Variants in PPP1R14C observed in about 807,000 individuals in gnomAD.
PPP1R14C encodes the protein protein phosphatase 1 regulatory inhibitor subunit 14C.
In PPP1R14C, 16 loss-of-function variants were observed where a neutral mutation model predicts 20.4. The observed-to-expected ratio is 0.78, with a 90% confidence interval of 0.53 to 1.19. PPP1R14C has a LOEUF of 1.19. Ranked by LOEUF, PPP1R14C falls within the 50% of genes most tolerant of loss-of-function variation. The probability of loss-of-function intolerance (pLI) is 0.00; values close to 1 mark genes in which losing one functional copy is unlikely to be tolerated. For missense variants in PPP1R14C, 211 were observed against 220.1 expected, an observed-to-expected ratio of 0.96 and a Z score of 0.26; for synonymous variants, 91 against 91.0, an observed-to-expected ratio of 1.00 and a Z score of 0.00.
At chr6:150,207,688 A>G (rs1399633539) in intron 1 of PPP1R14C, among the ~76,000 whole-genome samples, 1 of 152,150 alleles carries the variant, frequency 6.6e-6, no homozygotes, top group African/African-American at 2.4e-5. Flanking sequence ...TTTTTTCTCT[A>G]CTCTTGATAG....
At chr6:150,208,835 C>T (rs1161915436) in intron 1 of PPP1R14C, among the ~76,000 whole-genome samples, 1 of 152,142 alleles carries the variant, frequency 6.6e-6, no homozygotes, top group Non-Finnish European at 1.5e-5. Flanking sequence ...CCCGGCACAG[C>T]GTGGTTATAG....
At chr6:150,231,113 C>A (rs1778289431) in intron 3 of PPP1R14C, among the ~76,000 whole-genome samples, 1 of 152,172 alleles carries the variant, frequency 6.6e-6, no homozygotes, top group African/African-American at 2.4e-5. Context: ...ACTGTGATAC[C>A]ACGCCCCTGT....
At chr6:150,146,151 C>G (rs1427945132) in intron 1 of PPP1R14C, among the ~76,000 whole-genome samples, 1 of 152,122 alleles carries the variant, frequency 6.6e-6, no homozygotes, top group East Asian at 1.9e-4. Flanking sequence ...ATTTAGTCTT[C>G]ATAACAACCC....
chr6:150,151,053 T>G (rs76524134), intron 1 of PPP1R14C, among the ~76,000 whole-genome samples: 9,353 of 152,116 alleles, frequency 0.061, 348 homozygotes, highest in Non-Finnish European at 0.093. Flanking sequence ...GTTTTGTTTT[T>G]TTTTCCTTCA....
intron 1 of PPP1R14C, among the ~76,000 whole-genome samples, chr6:150,187,792 T>G (rs1027524181): frequency 6.6e-6 from 1 of 152,232 alleles, no homozygotes; most frequent in South Asian, 2.1e-4. Flanking sequence ...CGATTTATAT[T>G]TTTTGACTAC....
In PPP1R14C at chr6:150,249,829, G is replaced by A. The variant is rs61646299; in HGVS notation, c.*1009G>A. On this transcript the variant is annotated 3_prime_UTR_variant, in exon 4 of 4. Transcript: ENST00000361131. ...TATCAGACCAGTGGGAGTAAACCGA[G>A]TGTTAAGTGTCAAGGTGAGAAAGCC... The A allele has an allele frequency of 9.6e-6, 3 of 313,466 alleles. No homozygotes were observed. The East Asian group carries it at 1.5e-4, about 16-fold the overall frequency. 19.4% of individuals were successfully genotyped at this position (313,466 alleles called of 1,614,324 possible).
intron 3 of PPP1R14C, among the ~76,000 whole-genome samples, chr6:150,228,484 G>A (rs924538326): frequency 1.3e-5 from 2 of 152,210 alleles, no homozygotes; most frequent in African/African-American, 2.4e-5. Flanking sequence ...CATTCTCTTA[G>A]CAGTGATGTG....
intron 1 of PPP1R14C, among the ~76,000 whole-genome samples, chr6:150,211,784 A>G (rs142838249): frequency 2.0e-5 from 3 of 152,278 alleles, no homozygotes; most frequent in Admixed American, 6.5e-5. Flanking sequence ...CTTCACTGAC[A>G]TTCAGAACAC....
Position 150,143,554 on chromosome 6 carries a change from C to A in PPP1R14C, c.306+56C>A, listed in dbSNP as rs1166610096. The A allele has an allele frequency of 7.8e-7, 1 of 1,281,154 alleles. No individual in the cohort carries two copies. The highest frequency in any genetic ancestry group is 2.5e-5 in the Admixed American group (1 of 39,452). 79.4% of individuals were successfully genotyped at this position (1,281,154 alleles called of 1,614,324 possible). ...GACCTCTCTAGCTCCTCTGTGCCCG[C>A]GCAGTAATTTTCCCGGGCTCCAGCT... On this transcript the variant is annotated intron_variant, in intron 1 of 3. Coordinates refer to ENST00000361131, the MANE Select transcript of PPP1R14C (RefSeq NM_030949.3). The surrounding 1 kb of genome is among the most constrained non-coding windows in gnomAD (Gnocchi z 5.6).
rs142109127 is a variant in PPP1R14C at position 150,236,613 on chromosome 6, CTGTG to C, written c.424-12110_424-12107del. ...AAGCGGAGGGAGGTGGTTGGTGCCA[CTGTG>C]TGTGTGTGTGTGTGTGTGTGTGCGC... On this transcript the variant is annotated intron_variant, in intron 3 of 3. Coordinates refer to ENST00000361131, the MANE Select transcript of PPP1R14C (RefSeq NM_030949.3). Among the ~76,000 whole-genome samples the C allele has an allele frequency of 2.3e-4, 33 of 144,586 alleles. 1 individual carries two copies. The highest frequency in any genetic ancestry group is 6.4e-4 in the East Asian group (3 of 4,724). 94.9% of individuals were successfully genotyped at this position (144,586 alleles called of 152,430 possible). A position where few individuals can be genotyped will look rare whatever the true frequency, so the allele number is the denominator to read the frequency against.
chr6:150,172,051 G>T (rs558587964), intron 1 of PPP1R14C, among the ~76,000 whole-genome samples: 2 of 152,080 alleles, frequency 1.3e-5, no homozygotes, highest in African/African-American at 4.8e-5. Context: ...CAAGTGATCC[G>T]CCCGCCTTGG....
In PPP1R14C at chr6:150,185,018, C is replaced by T. The variant is rs1296729132; in HGVS notation, c.307-29726C>T. Among the ~76,000 whole-genome samples, 1 of 152,232 alleles carries T rather than the reference C, an allele frequency of 6.6e-6. No homozygotes were observed. The highest frequency in any genetic ancestry group is 1.5e-5 in the Non-Finnish European group (1 of 68,044). ...GGCAGCCAGGACCTTCTCACCTAAA[C>T]ATACCATCTGTTGTTGGCTCCTGGC... is the stretch of plus-strand genomic sequence containing the variant. On this transcript the variant is annotated intron_variant, in intron 1 of 3. Transcript: ENST00000361131. The surrounding 1 kb of genome is among the most constrained non-coding windows in gnomAD (Gnocchi z 4.1).
At chr6:150,197,785 G>A (rs1283128475) in intron 1 of PPP1R14C, among the ~76,000 whole-genome samples, 2 of 149,352 alleles carry the variant, frequency 1.3e-5, no homozygotes, top group Admixed American at 1.3e-4. Context: ...CGGTGGAGGA[G>A]GGCCTGGATG....
intron 3 of PPP1R14C, among the ~76,000 whole-genome samples, chr6:150,244,514 A>G (rs530712364): frequency 1.6e-4 from 24 of 152,262 alleles, no homozygotes; most frequent in African/African-American, 5.5e-4. Context: ...TAGTCCTGCA[A>G]TTTAAAGCAG....
intron 1 of PPP1R14C, among the ~76,000 whole-genome samples, chr6:150,144,748 G>T (rs1431259290): frequency 6.6e-6 from 1 of 152,218 alleles, no homozygotes; most frequent in South Asian, 2.1e-4. Context: ...ATAATATAAT[G>T]AAGCTTGACT....
rs1219578750 is a variant in PPP1R14C at position 150,222,436 on chromosome 6, G to A, written c.423+5580G>A. 2.0e-5 allele frequency among the ~76,000 whole-genome samples: 3 copies of A among 152,212 alleles called. No individual in the cohort carries two copies. In the East Asian group the frequency reaches 5.8e-4, roughly 29 times the overall value. On this transcript the variant is annotated intron_variant, in intron 3 of 3. Coordinates refer to ENST00000361131, the MANE Select transcript of PPP1R14C (RefSeq NM_030949.3). ...GAGAGGTACATTTGTTAGAACTGGT[G>A]AACCTACATTAACACATCATTATCG...
At chr6:150,170,379 G>T (rs1777483369) in intron 1 of PPP1R14C, among the ~76,000 whole-genome samples, 1 of 150,672 alleles carries the variant, frequency 6.6e-6, no homozygotes, top group East Asian at 2.0e-4. Context: ...CTGGAGTGCA[G>T]TGGCGCGATC....
In PPP1R14C at chr6:150,182,906, C is replaced by T. The variant is rs146995410; in HGVS notation, c.307-31838C>T. Among the ~76,000 whole-genome samples, 68 of 152,310 alleles carry T rather than the reference C, an allele frequency of 4.5e-4. 1 individual carries two copies. The East Asian group carries it at 0.012, about 27-fold the overall frequency. On this transcript the variant is annotated intron_variant, in intron 1 of 3. Transcript: ENST00000361131. ...CAGCCTATTACTCCTAGGCTACAAA[C>T]CTGTGCATGTGACCATCCTGAATAC... is the stretch of plus-strand genomic sequence containing the variant.
intron 1 of PPP1R14C, among the ~76,000 whole-genome samples, chr6:150,159,580 C>T (rs1777342357): frequency 6.6e-6 from 1 of 151,990 alleles, no homozygotes; most frequent in Non-Finnish European, 1.5e-5. Flanking sequence ...TTCCAATATC[C>T]ACCCACCAGT....
Sources: allele counts gnomAD v4.1 joint callset (sites outside exome capture counted in the v4.1 genomes callset), GRCh38; gene constraint gnomAD v4.1.1; non-coding constraint Gnocchi (gnomAD v3.1); transcripts MANE v1.5; gene names NCBI Gene and HGNC (gene_info 2026-07-23, HGNC 2026-07-21).